CNIH3: variants seen among roughly 807,000 people sequenced by gnomAD.
The protein encoded by CNIH3 is cornichon family AMPA receptor auxiliary protein 3.
A neutral mutation model predicts 24.1 loss-of-function variants in CNIH3; 14 were observed. The ratio of observed to expected loss-of-function variants is 0.58; its 90% CI spans 0.38 to 0.91. The LOEUF (loss-of-function observed/expected upper bound fraction) is 0.91. Among genes scored for constraint, CNIH3 ranks in the 40% least tolerant of loss-of-function variants. CNIH3 has a pLI of 0.00. For synonymous variants in CNIH3, 68 were observed against 73.8 expected (o/e 0.92, Z 0.40); for missense variants, 178 against 196.8 (o/e 0.90, Z 0.57).
At chr1:224,467,315 G>A (rs1001853575) in intron 1 of CNIH3, among the ~76,000 whole-genome samples, 3 of 152,122 alleles carry the variant, frequency 2.0e-5, no homozygotes, top group South Asian at 2.1e-4. Flanking sequence ...GAATACAGGC[G>A]TGAGCCACTA....
chr1:224,515,032 G>A (rs368356536), upstream of CNIH3, among the ~76,000 whole-genome samples: 2 of 152,324 alleles, frequency 1.3e-5, no homozygotes, highest in African/African-American at 4.8e-5. Context: ...GACTAGGAAG[G>A]AACAGTTTTG....
At chr1:224,574,483 G>A (rs1437732993) in intron 4 of CNIH3, 1 of 656,188 alleles carries the variant, frequency 1.5e-6, no homozygotes, top group East Asian at 2.7e-5. Context: ...CCCATCCTGG[G>A]GCTAGGCACC....
intron 1 of CNIH3, among the ~76,000 whole-genome samples, chr1:224,481,066 A>G (rs1229648657): frequency 6.6e-6 from 1 of 152,238 alleles, no homozygotes; most frequent in Admixed American, 6.5e-5. Flanking sequence ...AGGGGTGACA[A>G]TCATCGCAGA....
chr1:224,657,195 T>C (rs978383451), intron 1 of CNIH3, among the ~76,000 whole-genome samples: 2 of 152,116 alleles, frequency 1.3e-5, no homozygotes, highest in Non-Finnish European at 2.9e-5. Flanking sequence ...CCAACTCTTA[T>C]AGCCAATTAA....
intron 3 of CNIH3, among the ~76,000 whole-genome samples, chr1:224,559,899 T>C (rs1010255510): frequency 1.3e-5 from 2 of 152,170 alleles, no homozygotes; most frequent in Non-Finnish European, 2.9e-5. Context: ...GGTTATGATG[T>C]CTTTGCATTT....
intron 1 of CNIH3, among the ~76,000 whole-genome samples, chr1:224,479,512 C>T (rs935404504): frequency 2.6e-5 from 4 of 152,348 alleles, no homozygotes; most frequent in Non-Finnish European, 5.9e-5. Context: ...TCCCAAGTCT[C>T]TTCTAAGACA....
At chr1:224,455,020 G>A (rs544824785) in intron 1 of CNIH3, among the ~76,000 whole-genome samples, 5 of 152,224 alleles carry the variant, frequency 3.3e-5, no homozygotes, top group South Asian at 4.2e-4. Context: ...ATTGTAAGTC[G>A]AAAATGCATT....
chr1:224,585,873 G>A (rs1485360392), intron 5 of CNIH3, among the ~76,000 whole-genome samples: 1 of 152,112 alleles, frequency 6.6e-6, no homozygotes, highest in South Asian at 2.1e-4. Flanking sequence ...AGGGGTCGTG[G>A]TTTAGCTTTA....
intron 3 of CNIH3, among the ~76,000 whole-genome samples, chr1:224,699,315 G>A (rs1687352345): frequency 6.6e-6 from 1 of 152,216 alleles, no homozygotes; most frequent in Admixed American, 6.5e-5. Flanking sequence ...TCAAGAGACT[G>A]TTGAAACTGA....
intron 1 of CNIH3, among the ~76,000 whole-genome samples, chr1:224,634,232 A>G (rs902521896): frequency 1.3e-5 from 2 of 152,350 alleles, no homozygotes; most frequent in Middle Eastern, 3.4e-3. Context: ...AGGGCTTTGC[A>G]GGACTTTAGC....
intron 1 of CNIH3, among the ~76,000 whole-genome samples, chr1:224,474,034 T>C (rs6689301): frequency 0.83 from 126,650 of 152,176 alleles, 53,076 homozygotes; most frequent in East Asian, 0.97. Flanking sequence ...ACACAGTATG[T>C]TCCTGAATGA....
intron 3 of CNIH3, among the ~76,000 whole-genome samples, chr1:224,686,819 G>C (rs1388150182): frequency 6.6e-6 from 1 of 152,138 alleles, no homozygotes; most frequent in African/African-American, 2.4e-5. Flanking sequence ...CAGAGCTAAG[G>C]GTATGAAAGT....
At chr1:224,448,042 A>G (rs1675236671) in intron 1 of CNIH3, among the ~76,000 whole-genome samples, 1 of 152,180 alleles carries the variant, frequency 6.6e-6, no homozygotes, top group Non-Finnish European at 1.5e-5. Context: ...TAGTCTTTCA[A>G]GTGGCAGCAG....
At position 224,616,458 on chromosome 1, in the gene CNIH3, G is replaced by T; in HGVS notation, c.-717G>T. The T allele has an allele frequency of 1.0e-6, 1 of 989,060 alleles. No homozygotes were observed. The highest frequency in any genetic ancestry group is 4.4e-5 in the South Asian group (1 of 22,628). The allele number at this position is 989,060 out of a possible 1,614,324, so 61.3% of individuals were successfully genotyped here. ...GTGGAGCCAGTGCTCGCCCCGGTCCGACCCCCGGTTTCCGGGACACTTGGG... is the reference window on the plus strand; with the variant it reads ...GTGGAGCCAGTGCTCGCCCCGGTCCTACCCCCGGTTTCCGGGACACTTGGG... On this transcript the variant is annotated 5_prime_UTR_variant, in exon 1 of 6. Coordinates refer to ENST00000272133, the MANE Select transcript of CNIH3 (RefSeq NM_152495.2).
intron 1 of CNIH3, among the ~76,000 whole-genome samples, chr1:224,440,378 C>T (rs992772843): frequency 2.0e-5 from 3 of 152,164 alleles, no homozygotes; most frequent in Admixed American, 6.5e-5. Context: ...TACAGGTGCA[C>T]ACCACCTGGC....
chr1:224,708,370 CCT>C (rs1271382969), intron 3 of CNIH3, among the ~76,000 whole-genome samples: 5 of 152,092 alleles, frequency 3.3e-5, no homozygotes, highest in Admixed American at 6.6e-5. Context: ...CCTTTTTTCC[CCT>C]GTCTTAAAAC....
At chr1:224,605,556 T>C (rs1341217619) in intron 3 of CNIH3, among the ~76,000 whole-genome samples, 2 of 152,250 alleles carry the variant, frequency 1.3e-5, no homozygotes, top group African/African-American at 2.4e-5. Flanking sequence ...CCAGCCATTA[T>C]TCCAGAGGTC....
In CNIH3 at chr1:224,740,016, TGTTA is replaced by T. The variant is rs1163720383; in HGVS notation, c.*664_*667del. 4 of 152,220 alleles carry T rather than the reference TGTTA, an allele frequency of 2.6e-5. No homozygotes were observed. Among genetic ancestry groups the T allele is most frequent in the Non-Finnish European group, 5.9e-5 (4 of 68,094 alleles). The allele number at this position is 152,220 out of a possible 1,614,324, so 9.4% of individuals were successfully genotyped here. On this transcript the variant is annotated 3_prime_UTR_variant, in exon 6 of 6. Transcript: ENST00000272133. The stretch of plus-strand genomic sequence containing the variant: ...TGAAACGTTTGCAACATGATCAAGG[TGTTA>T]GTTCTCCACCACACAAGTTGTATTC...
At chr1:224,529,753 TGAA>T (rs1285245942) in intron 2 of CNIH3, among the ~76,000 whole-genome samples, 2 of 152,170 alleles carry the variant, frequency 1.3e-5, no homozygotes, top group East Asian at 3.8e-4. Context: ...ATGGGGAAAA[TGAA>T]GAAACGCTTT....
Sources: allele counts gnomAD v4.1 joint callset (sites outside exome capture counted in the v4.1 genomes callset), GRCh38; gene constraint gnomAD v4.1.1; transcripts MANE v1.5; gene names NCBI Gene and HGNC (gene_info 2026-07-23, HGNC 2026-07-21).